SGCZ: variants seen among roughly 807,000 people sequenced by gnomAD.
SGCZ encodes the protein sarcoglycan zeta, also known as zeta-sarcoglycan.
SGCZ carries 40 observed loss-of-function variants against 41.3 expected under a neutral mutation model. That is an observed-to-expected ratio of 0.97 (90% CI 0.75 to 1.26). The LOEUF (loss-of-function observed/expected upper bound fraction) is 1.26, where lower values mean the gene tolerates loss of function less well. Among genes scored for constraint, SGCZ ranks in the 50% most tolerant of loss-of-function variants. SGCZ has a pLI of 0.00. For synonymous variants in SGCZ, 206 were observed against 137.5 expected (o/e 1.50, Z -3.49); for missense variants, 552 against 369.8 (o/e 1.49, Z -4.04).
At chr8:15,193,302 T>C (rs972533077) in intron 1 of SGCZ, among the ~76,000 whole-genome samples, 2 of 152,138 alleles carry the variant, frequency 1.3e-5, no homozygotes, top group African/African-American at 4.8e-5. Context: ...AATCTTAGGC[T>C]AGCCAAGAAT....
At chr8:14,259,097 G>A (rs1799562335) in intron 3 of SGCZ, among the ~76,000 whole-genome samples, 1 of 152,082 alleles carries the variant, frequency 6.6e-6, no homozygotes, top group Non-Finnish European at 1.5e-5. Context: ...ATTTAGCCTT[G>A]GGTAACCTCT....
intron 1 of SGCZ, among the ~76,000 whole-genome samples, chr8:14,671,865 T>G (rs532362122): frequency 6.6e-6 from 1 of 152,206 alleles, no homozygotes; most frequent in South Asian, 2.1e-4. Context: ...ATCCTAATTC[T>G]GGAATATGTC....
intron 1 of SGCZ, among the ~76,000 whole-genome samples, chr8:15,170,045 A>G (rs1180427577): frequency 6.6e-6 from 1 of 152,254 alleles, no homozygotes; most frequent in African/African-American, 2.4e-5. Context: ...CAGTTTGGAT[A>G]ACTGAGTGGT....
chr8:14,299,632 T>A (rs915876991), intron 3 of SGCZ, among the ~76,000 whole-genome samples: 1 of 151,908 alleles, frequency 6.6e-6, no homozygotes, highest in Non-Finnish European at 1.5e-5. Flanking sequence ...CACACTTCTT[T>A]AAAAACCTAA....
At chr8:14,163,989 C>G (rs1426618904) in intron 5 of SGCZ, among the ~76,000 whole-genome samples, 1 of 152,158 alleles carries the variant, frequency 6.6e-6, no homozygotes, top group Non-Finnish European at 1.5e-5. Flanking sequence ...AAATTGTCAT[C>G]AAATTATTCC....
At chr8:14,292,514 G>A (rs558816934) in intron 3 of SGCZ, among the ~76,000 whole-genome samples, 7 of 152,124 alleles carry the variant, frequency 4.6e-5, no homozygotes, top group African/African-American at 1.7e-4. Flanking sequence ...CTGAAGATGA[G>A]GCACAAGATA....
chr8:14,619,469 G>C (rs1054889589), intron 1 of SGCZ, among the ~76,000 whole-genome samples: 10 of 151,958 alleles, frequency 6.6e-5, no homozygotes, highest in African/African-American at 2.2e-4. Context: ...AAAAATAAAG[G>C]GTATTCAATT....
intron 1 of SGCZ, among the ~76,000 whole-genome samples, chr8:14,886,551 G>C (rs1379232663): frequency 6.6e-6 from 1 of 152,004 alleles, no homozygotes; most frequent in East Asian, 2.0e-4. Flanking sequence ...GGTGGCTGGG[G>C]GAGGGAAGAA....
At chr8:14,608,764 C>A (rs914068927) in intron 1 of SGCZ, among the ~76,000 whole-genome samples, 1 of 152,014 alleles carries the variant, frequency 6.6e-6, no homozygotes, top group Non-Finnish European at 1.5e-5. Context: ...ACGTCCAACA[C>A]TGGAGATCAC....
intron 2 of SGCZ, among the ~76,000 whole-genome samples, chr8:14,471,735 C>T (rs1245232914): frequency 6.6e-6 from 1 of 151,952 alleles, no homozygotes; most frequent in Non-Finnish European, 1.5e-5. Context: ...TTTCCGTGCC[C>T]ATTTAACAGC....
chr8:14,583,900 C>T (rs1464304191), intron 1 of SGCZ, among the ~76,000 whole-genome samples: 1 of 151,816 alleles, frequency 6.6e-6, no homozygotes, highest in Non-Finnish European at 1.5e-5. Context: ...TTTCTATTTT[C>T]CCATTTTGAG....
chr8:14,491,546 C>A lies in SGCZ; in HGVS notation c.234+63186G>T, dbSNP rs532039413. ...TCCAATAAACAAGGAGTTACAAGATCCTAAAAAACACAAGTTTTTTATATC... is the reference window on the plus strand; with the variant it reads ...TCCAATAAACAAGGAGTTACAAGATACTAAAAAACACAAGTTTTTTATATC... On this transcript the variant is annotated intron_variant, in intron 2 of 7. Transcript: ENST00000382080. Among the ~76,000 whole-genome samples, 3 of 152,180 alleles carry A rather than the reference C, an allele frequency of 2.0e-5. No homozygotes were observed. In the East Asian group the frequency reaches 5.8e-4, roughly 29 times the overall value.
At chr8:15,227,385 C>G (rs1801812717) in intron 1 of SGCZ, among the ~76,000 whole-genome samples, 1 of 152,100 alleles carries the variant, frequency 6.6e-6, no homozygotes, top group African/African-American at 2.4e-5. Flanking sequence ...AAGTTAAATT[C>G]TTGCTAATAA....
intron 1 of SGCZ, among the ~76,000 whole-genome samples, chr8:14,593,681 A>G (rs1429898983): frequency 6.6e-6 from 1 of 152,198 alleles, no homozygotes; most frequent in East Asian, 1.9e-4. Context: ...AATAATTATT[A>G]AACAAAATCA....
chr8:14,363,859 T>A (rs940145871), intron 2 of SGCZ, among the ~76,000 whole-genome samples: 1 of 152,210 alleles, frequency 6.6e-6, no homozygotes, highest in African/African-American at 2.4e-5. Context: ...TTGACAGATT[T>A]ATTTCCTCTT....
chr8:14,108,006 T>G (rs1406234395), intron 6 of SGCZ, among the ~76,000 whole-genome samples, 157 bp downstream of exon 6: 5 of 152,176 alleles, frequency 3.3e-5, no homozygotes, highest in African/African-American at 1.2e-4. Flanking sequence ...CTTTTCTTTT[T>G]TTTTCCACAT....
At chr8:14,297,168 C>G (rs772679634) in intron 3 of SGCZ, among the ~76,000 whole-genome samples, 1 of 152,032 alleles carries the variant, frequency 6.6e-6, no homozygotes, top group Non-Finnish European at 1.5e-5. Flanking sequence ...GGTGATCCGC[C>G]CACCTCGGCC....
intron 1 of SGCZ, among the ~76,000 whole-genome samples, chr8:14,583,180 G>A (rs1804950031): frequency 6.6e-6 from 1 of 150,824 alleles, no homozygotes; most frequent in African/African-American, 2.4e-5. Context: ...GTTGTTTCCT[G>A]ACTTTTTAAT....
chr8:14,808,175 G>C (rs1801612144), intron 1 of SGCZ, among the ~76,000 whole-genome samples: 1 of 152,110 alleles, frequency 6.6e-6, no homozygotes, highest in South Asian at 2.1e-4. Context: ...GCATGGGCAA[G>C]GACTTCATGT....
Sources: allele counts gnomAD v4.1 joint callset (sites outside exome capture counted in the v4.1 genomes callset), GRCh38; gene constraint gnomAD v4.1.1; transcripts MANE v1.5; gene names NCBI Gene and HGNC (gene_info 2026-07-23, HGNC 2026-07-21).